Variants in COG3 observed in about 807,000 individuals in gnomAD.
COG3 encodes conserved oligomeric Golgi complex subunit 3.
A neutral mutation model predicts 114.1 loss-of-function variants in COG3; 32 were observed. The ratio of observed to expected loss-of-function variants is 0.28; its 90% CI spans 0.21 to 0.38. COG3 has a LOEUF of 0.38. Among genes scored for constraint, COG3 ranks in the 10% least tolerant of loss-of-function variants. COG3 has a pLI of 1.00. For synonymous variants in COG3, 352 were observed against 365.7 expected (o/e 0.96, Z 0.43); for missense variants, 813 against 973.2 (o/e 0.84, Z 2.19).
At chr13:45,528,785 C>G (rs182390785) in intron 20 of COG3, among the ~76,000 whole-genome samples, 3 of 152,186 alleles carry the variant, frequency 2.0e-5, no homozygotes, top group African/African-American at 7.2e-5. Flanking sequence ...AGCATGATTT[C>G]TTTTGTAATT....
rs1885038362 is a variant in COG3 at position 45,465,003 on chromosome 13, C to G, written c.-34C>G. ...GTCTCTCTGTCGGGGTCCCCTCCAT[C>G]TCGCTGCTGCTGAAGGCCGCGAGGG... On this transcript the variant is annotated 5_prime_UTR_variant, in exon 1 of 23. In the 5' UTR this introduces an upstream ATG that the reference lacks. Coordinates refer to ENST00000349995, the MANE Select transcript of COG3 (RefSeq NM_031431.4). 6.5e-7 allele frequency: 1 copy of G among 1,543,032 alleles called. No individual in the cohort carries two copies. The highest frequency in any genetic ancestry group is 8.7e-7 in the Non-Finnish European group (1 of 1,145,728).
At chr13:45,503,461 A>G (rs947566620) in intron 14 of COG3, 112 bp downstream of exon 14, 1 of 623,278 alleles carries the variant, frequency 1.6e-6, no homozygotes, top group Non-Finnish European at 2.9e-6. Flanking sequence ...TGAGGAGCCC[A>G]CACTTTATGG....
intron 6 of COG3, among the ~76,000 whole-genome samples, chr13:45,482,817 CT>C (rs1211015934): frequency 6.6e-6 from 1 of 152,258 alleles, no homozygotes; most frequent in East Asian, 1.9e-4. Flanking sequence ...CCCGGTATTT[CT>C]TTGGAAACAG....
chr13:45,465,792 A>G (rs1036464784), intron 1 of COG3: 10 of 152,358 alleles, frequency 6.6e-5, no homozygotes, highest in Admixed American at 2.0e-4. Context: ...TTGCAAAGCA[A>G]TAAAAATGAA....
intron 1 of COG3, among the ~76,000 whole-genome samples, chr13:45,467,741 T>C (rs1303833210): frequency 6.6e-6 from 1 of 152,240 alleles, no homozygotes; most frequent in Non-Finnish European, 1.5e-5. Context: ...ATTAATTTTT[T>C]TAGCCCTATA....
Position 45,492,112 on chromosome 13 carries a change from ATGT to A in COG3, c.1096-43_1096-41del, listed in dbSNP as rs748640003. 6 of 1,122,036 alleles carry A rather than the reference ATGT, an allele frequency of 5.3e-6. No homozygotes were observed. In the Admixed American group the frequency reaches 7.9e-5, roughly 15 times the overall value. The allele number at this position is 1,122,036 out of a possible 1,614,324, so 69.5% of individuals were successfully genotyped here. On this transcript the variant is annotated intron_variant, in intron 10 of 22. Coordinates refer to ENST00000349995, the MANE Select transcript of COG3 (RefSeq NM_031431.4). The stretch of plus-strand genomic sequence containing the variant: ...AGGCTTTATTTCATAAACATCAGAA[ATGT>A]TGTGTGTCTTTAACTGTAGGTGGTG...
chr13:45,488,403 CAT>C (rs1367557235), intron 8 of COG3, among the ~76,000 whole-genome samples: 1 of 152,088 alleles, frequency 6.6e-6, no homozygotes, highest in Non-Finnish European at 1.5e-5. Flanking sequence ...AGAAATAATA[CAT>C]GTTTGAGGTG....
At chr13:45,497,323 A>T (rs959943847) in intron 13 of COG3, among the ~76,000 whole-genome samples, 1 of 152,214 alleles carries the variant, frequency 6.6e-6, no homozygotes, top group Admixed American at 6.5e-5. Context: ...GCTGAAACAG[A>T]ATTAGAACTT....
chr13:45,478,677 C>T (rs554790014), intron 2 of COG3, among the ~76,000 whole-genome samples: 8 of 152,030 alleles, frequency 5.3e-5, no homozygotes, highest in East Asian at 1.9e-4. Context: ...TTAGTAGAGA[C>T]GGGGTTTTAC....
chr13:45,527,356 T>C (rs1048507978), intron 20 of COG3, among the ~76,000 whole-genome samples: 26 of 152,216 alleles, frequency 1.7e-4, no homozygotes, highest in African/African-American at 6.0e-4. Flanking sequence ...GAGGAGATCT[T>C]AGTGAATATA....
At position 45,506,314 on chromosome 13, in the gene COG3, A is replaced by G. The variant is rs549000067; in HGVS notation, c.1594+2965A>G. ...AAGGAGCAAATGGAGATAGAGGAGT[A>G]AACTAAGCCCACCAAGAAAGAACAG... On this transcript the variant is annotated intron_variant, in intron 14 of 22. Coordinates refer to ENST00000349995, the MANE Select transcript of COG3 (RefSeq NM_031431.4). 1.4e-3 allele frequency among the ~76,000 whole-genome samples: 219 copies of G among 152,208 alleles called. 2 individuals carry two copies. Among genetic ancestry groups the G allele is most frequent in the African/African-American group, 4.5e-3 (185 of 41,536 alleles).
chr13:45,476,431 T>C (rs973707382), intron 2 of COG3, 84 bp downstream of exon 2: 16 of 1,347,106 alleles, frequency 1.2e-5, no homozygotes, highest in Non-Finnish European at 3.1e-6. Context: ...TTAAAAGTTC[T>C]GAACATTTGT....
intron 19 of COG3, among the ~76,000 whole-genome samples, chr13:45,523,780 A>G (rs941393730): frequency 6.6e-6 from 1 of 152,222 alleles, no homozygotes; most frequent in African/African-American, 2.4e-5. Flanking sequence ...AGTGGGGAAA[A>G]AAGTTCACAG....
intron 22 of COG3, among the ~76,000 whole-genome samples, chr13:45,531,536 G>C (rs973942959): frequency 6.6e-5 from 10 of 151,882 alleles, no homozygotes; most frequent in African/African-American, 2.4e-4. Context: ...TTTTGAAATG[G>C]AGTCTTTGTT....
intron 1 of COG3, 103 bp downstream of exon 1, chr13:45,465,313 T>C: frequency 6.9e-7 from 1 of 1,458,448 alleles, no homozygotes; most frequent in Non-Finnish European, 9.1e-7. Flanking sequence ...AGGATATCTC[T>C]CCACTCCTCC....
At chr13:45,471,950 C>G (rs376461569) in intron 1 of COG3, among the ~76,000 whole-genome samples, 1 of 152,124 alleles carries the variant, frequency 6.6e-6, no homozygotes. Flanking sequence ...CTAGGCTGGT[C>G]CTGGACTCCT....
rs1485563730 is a variant in COG3, at chr13:45,485,198, C to T, written c.844-1297C>T. Reference sequence around the variant, plus strand: ...GCGGCCGGGCAGAGGCGCCCCTCACCTCCCGGACGGGGCGGCTGGCCGGGC... The same window carrying T: ...GCGGCCGGGCAGAGGCGCCCCTCACTTCCCGGACGGGGCGGCTGGCCGGGC... On this transcript the variant is annotated intron_variant, in intron 7 of 22. Coordinates refer to ENST00000349995, the MANE Select transcript of COG3 (RefSeq NM_031431.4). Among the ~76,000 whole-genome samples the T allele has an allele frequency of 8.3e-5, 12 of 144,084 alleles. No individual in the cohort carries two copies. The East Asian group carries it at 2.5e-3, about 30-fold the overall frequency. The allele number at this position is 144,084 out of a possible 152,430, so 94.5% of individuals were successfully genotyped here.
intron 16 of COG3, among the ~76,000 whole-genome samples, chr13:45,515,620 C>G (rs901247192): frequency 3.9e-5 from 6 of 152,178 alleles, no homozygotes; most frequent in Admixed American, 3.9e-4. Flanking sequence ...AGTCAGAGCT[C>G]TGTTGGTGGC....
At chr13:45,502,452 A>G (rs1373530135) in intron 13 of COG3, among the ~76,000 whole-genome samples, 1 of 152,026 alleles carries the variant, frequency 6.6e-6, no homozygotes. Flanking sequence ...ACTTGCAGTA[A>G]ATATGCTTAC....
Sources: allele counts gnomAD v4.1 joint callset (sites outside exome capture counted in the v4.1 genomes callset), GRCh38; gene constraint gnomAD v4.1.1; transcripts MANE v1.5; gene names NCBI Gene and HGNC (gene_info 2026-07-23, HGNC 2026-07-21).